Variants in ZNF609 observed in about 807,000 individuals in gnomAD.
The protein encoded by ZNF609 is zinc finger protein 609.
Under a neutral mutation model 109.5 loss-of-function variants are expected in ZNF609, and 11 were observed. The ratio of observed to expected loss-of-function variants is 0.10; its 90% CI spans 0.06 to 0.17. The LOEUF is 0.17. Among genes scored for constraint, ZNF609 ranks in the 10% least tolerant of loss-of-function variants. The pLI is 1.00. For missense variants in ZNF609, 1,559 were observed against 1,772.4 expected, an observed-to-expected ratio of 0.88 and a Z score of 2.16; for synonymous variants, 646 against 662.0, an observed-to-expected ratio of 0.98 and a Z score of 0.37.
chr15:64,467,809 C>T (rs1354765724), intron 1 of ZNF609, among the ~76,000 whole-genome samples: 1 of 152,134 alleles, frequency 6.6e-6, no homozygotes, highest in Non-Finnish European at 1.5e-5. Context: ...CGTGCCACTG[C>T]ATTCCAGTCT....
intron 7 of ZNF609, 133 bp from the exon 8 acceptor site, chr15:64,680,513 G>A: frequency 3.1e-6 from 4 of 1,279,200 alleles, no homozygotes; most frequent in Non-Finnish European, 4.3e-6. Context: ...TTATTCTTAG[G>A]TATCTTGCAC....
chr15:64,647,758 T>G (rs1896356703), intron 3 of ZNF609, among the ~76,000 whole-genome samples: 1 of 152,220 alleles, frequency 6.6e-6, no homozygotes, highest in South Asian at 2.1e-4. Flanking sequence ...GAGCTGAGCT[T>G]CATTTTTTAC....
intron 2 of ZNF609, among the ~76,000 whole-genome samples, chr15:64,529,888 G>T (rs539718514): frequency 6.6e-6 from 1 of 152,104 alleles, no homozygotes; most frequent in South Asian, 2.1e-4. Context: ...GCGTCACCAC[G>T]CCTGGCTAAT....
intron 1 of ZNF609, 139 bp downstream of exon 1, chr15:64,460,977 C>T (rs1892930951): frequency 3.7e-5 from 1 of 27,222 alleles, no homozygotes; most frequent in Non-Finnish European, 6.6e-5. Context: ...GTTGGGGGGG[C>T]TGGGGCGGAG....
chr15:64,612,648 AT>A (rs1895736561), intron 2 of ZNF609, among the ~76,000 whole-genome samples: 1 of 97,770 alleles, frequency 1.0e-5, no homozygotes, highest in Non-Finnish European at 2.2e-5. Context: ...TTTTTTTTTA[AT>A]TTATTTTTGT....
chr15:64,478,550 T>C (rs112826174), intron 1 of ZNF609, among the ~76,000 whole-genome samples: 11,787 of 151,822 alleles, frequency 0.078, 621 homozygotes, highest in Non-Finnish European at 0.12. Context: ...TTTGTATTTT[T>C]AGTTTTTAGT....
chr15:64,501,437 A>T (rs1234199259), intron 2 of ZNF609: 2 of 152,200 alleles, frequency 1.3e-5, no homozygotes, highest in Non-Finnish European at 2.9e-5. Flanking sequence ...ACAGTGGCTC[A>T]TTCCCTTTTA....
At chr15:64,621,735 A>G (rs528835208) in intron 2 of ZNF609, among the ~76,000 whole-genome samples, 7 of 150,100 alleles carry the variant, frequency 4.7e-5, no homozygotes, top group African/African-American at 1.7e-4. Flanking sequence ...GAGAGGTTCT[A>G]GTTTCTGGTT....
chr15:64,635,976 A>AT (rs934514588), intron 3 of ZNF609, among the ~76,000 whole-genome samples: 1 of 152,146 alleles, frequency 6.6e-6, no homozygotes, highest in Non-Finnish European at 1.5e-5. Context: ...CATCAACTTT[A>AT]TAATTTAGGC....
chr15:64,649,740 A>G (rs138268219), intron 3 of ZNF609, among the ~76,000 whole-genome samples: 3 of 152,186 alleles, frequency 2.0e-5, no homozygotes, highest in Non-Finnish European at 4.4e-5. Context: ...TTTATTTTGT[A>G]CATGAATACA....
intron 2 of ZNF609, among the ~76,000 whole-genome samples, chr15:64,507,958 C>G (rs1161017843): frequency 1.3e-5 from 2 of 151,982 alleles, no homozygotes; most frequent in East Asian, 3.9e-4. Flanking sequence ...CCTGGCTGAC[C>G]GAGGAGACAT....
At chr15:64,646,676 C>T (rs1026908587) in intron 3 of ZNF609, among the ~76,000 whole-genome samples, 45 of 132,776 alleles carry the variant, frequency 3.4e-4, no homozygotes, top group Admixed American at 2.3e-4. Flanking sequence ...CGGTGGCTCA[C>T]GCCTGTAATC....
chr15:64,499,854 G>C lies in ZNF609; in HGVS notation c.435G>C (p.Lys145Asn), dbSNP rs756270259. 1 of 1,614,088 alleles carries C rather than the reference G, an allele frequency of 6.2e-7. No homozygotes were observed. The highest frequency in any genetic ancestry group is 8.5e-7 in the Non-Finnish European group (1 of 1,180,010). The change falls in exon 2 of 10, where the codon AAG becomes AAC. Residue 145 changes from lysine to asparagine, a missense_variant. Transcript: ENST00000326648. ...VAAIAPKGSE[K>N]AAKASRSVAG... ...CTATTGCTCCCAAGGGCTCAGAGAA[G>C]GCGGCTAAGGCATCCCGCAGTGTAG... is the stretch of plus-strand genomic sequence containing the variant.
At chr15:64,645,014 TTCCTTCCTTCCTTC>T (rs1896311898) in intron 3 of ZNF609, among the ~76,000 whole-genome samples, 1 of 150,608 alleles carries the variant, frequency 6.6e-6, no homozygotes, top group African/African-American at 2.5e-5. Flanking sequence ...TCTTTCTTCC[TTCCTTCCTTCCTTC>T]CTTTCTTCCT....
rs532106487 is a variant in ZNF609, at chr15:64,590,867, TC to T, written c.748-31957del. Among the ~76,000 whole-genome samples, 423 of 152,152 alleles carry T rather than the reference TC, an allele frequency of 2.8e-3. 1 individual carries two copies. Among genetic ancestry groups the T allele is most frequent in the African/African-American group, 9.8e-3 (406 of 41,510 alleles). ...CATTAAAAACAAACACAAAATGTTATCCCTTGAAGATAAAGACAAATAGGTT... is the reference window on the plus strand; with the variant it reads ...CATTAAAAACAAACACAAAATGTTATCCTTGAAGATAAAGACAAATAGGTT... On this transcript the variant is annotated intron_variant, in intron 2 of 9. Coordinates refer to ENST00000326648, the MANE Select transcript of ZNF609 (RefSeq NM_015042.2).
At chr15:64,490,986 T>C (rs1299550344) in intron 1 of ZNF609, among the ~76,000 whole-genome samples, 2 of 152,230 alleles carry the variant, frequency 1.3e-5, no homozygotes, top group Non-Finnish European at 2.9e-5. Flanking sequence ...TGTCCTTAGG[T>C]GACACATGGT....
At chr15:64,557,252 A>C (rs1216289064) in intron 2 of ZNF609, among the ~76,000 whole-genome samples, 4 of 149,738 alleles carry the variant, frequency 2.7e-5, no homozygotes, top group Non-Finnish European at 5.9e-5. Context: ...CATACCTTCT[A>C]ATAGTAGATG....
At chr15:64,604,119 A>T (rs1235554774) in intron 2 of ZNF609, among the ~76,000 whole-genome samples, 1 of 151,718 alleles carries the variant, frequency 6.6e-6, no homozygotes, top group Non-Finnish European at 1.5e-5. Flanking sequence ...ACATTACTTT[A>T]ATTACTTGTT....
chr15:64,594,533 T>G (rs1475830699), intron 2 of ZNF609, among the ~76,000 whole-genome samples: 1 of 151,588 alleles, frequency 6.6e-6, no homozygotes, highest in Non-Finnish European at 1.5e-5. Context: ...AGACCGGGTT[T>G]CACCATGTTG....
Sources: allele counts gnomAD v4.1 joint callset (sites outside exome capture counted in the v4.1 genomes callset), GRCh38; gene constraint gnomAD v4.1.1; transcripts MANE v1.5; gene names NCBI Gene and HGNC (gene_info 2026-07-23, HGNC 2026-07-21).